Variants in DLG2 observed in about 807,000 individuals in gnomAD.
DLG2 encodes the protein disks large homolog 2.
Under a neutral mutation model 132.5 loss-of-function variants are expected in DLG2, and 45 were observed. The ratio of observed to expected loss-of-function variants is 0.34; its 90% CI spans 0.27 to 0.44. The LOEUF is 0.44. Among genes scored for constraint, DLG2 ranks in the 20% least tolerant of loss-of-function variants. The pLI, the probability that DLG2 is intolerant of heterozygous loss-of-function variation, is 1.00. For missense variants in DLG2, 1,045 were observed against 1,196.9 expected (o/e 0.87, Z 1.87); for synonymous variants, 424 against 419.6 (o/e 1.01, Z -0.13).
chr11:84,397,683 A>G (rs530303048), intron 7 of DLG2, among the ~76,000 whole-genome samples: 7 of 152,358 alleles, frequency 4.6e-5, no homozygotes, highest in South Asian at 2.1e-4. Flanking sequence ...CGTGAGAGCT[A>G]TAAGTCTTTA....
chr11:83,674,292 C>G (rs1314130859), intron 18 of DLG2, among the ~76,000 whole-genome samples: 2 of 152,130 alleles, frequency 1.3e-5, no homozygotes, highest in Non-Finnish European at 2.9e-5. Context: ...TTTTAAGAAG[C>G]AGAAGCACTG....
chr11:85,316,318 T>C (rs2080672019), intron 3 of DLG2, among the ~76,000 whole-genome samples: 1 of 152,012 alleles, frequency 6.6e-6, no homozygotes, highest in South Asian at 2.1e-4. Context: ...GAAAGACATA[T>C]TTCTATAATC....
intron 15 of DLG2, among the ~76,000 whole-genome samples, chr11:83,920,315 C>G (rs2077630896): frequency 6.8e-6 from 1 of 146,704 alleles, no homozygotes; most frequent in South Asian, 2.2e-4. Flanking sequence ...GTCTACAGAA[C>G]CAAATTAAAG....
intron 6 of DLG2, among the ~76,000 whole-genome samples, chr11:85,088,774 G>T (rs1047611555): frequency 6.6e-6 from 1 of 152,044 alleles, no homozygotes; most frequent in African/African-American, 2.4e-5. Flanking sequence ...CCCAAGTTTA[G>T]AATACCCCTA....
At chr11:83,509,301 T>TTAA (rs2094890019) in intron 21 of DLG2, among the ~76,000 whole-genome samples, 1 of 152,242 alleles carries the variant, frequency 6.6e-6, no homozygotes, top group Admixed American at 6.5e-5. Flanking sequence ...CATCATGAAT[T>TTAA]TAATAATAAT....
chr11:84,115,372 C>G (rs561812812), intron 9 of DLG2, among the ~76,000 whole-genome samples: 2 of 152,284 alleles, frequency 1.3e-5, no homozygotes, highest in Non-Finnish European at 2.9e-5. Context: ...TGTTGGGAGA[C>G]GGGAGGTGGA....
At chr11:85,556,440 A>G (rs534679965) in intron 3 of DLG2, among the ~76,000 whole-genome samples, 20 of 152,032 alleles carry the variant, frequency 1.3e-4, no homozygotes, top group African/African-American at 4.8e-4. Flanking sequence ...ACCCAAGCCT[A>G]TCATAAAGGC....
chr11:84,927,332 T>A (rs1335472771), intron 6 of DLG2, among the ~76,000 whole-genome samples: 1 of 151,978 alleles, frequency 6.6e-6, no homozygotes, highest in African/African-American at 2.4e-5. Flanking sequence ...GCTTTTTGTT[T>A]TGTTTTCTTT....
intron 3 of DLG2, among the ~76,000 whole-genome samples, chr11:85,295,946 C>A (rs1271955993): frequency 6.6e-6 from 1 of 152,070 alleles, no homozygotes; most frequent in Non-Finnish European, 1.5e-5. Context: ...ACAGAAGTAG[C>A]TATAGACTTT....
chr11:85,366,176 C>T (rs915530173), intron 3 of DLG2, among the ~76,000 whole-genome samples: 28 of 152,128 alleles, frequency 1.8e-4, no homozygotes, highest in African/African-American at 6.5e-4. Flanking sequence ...AAGAAAGGCA[C>T]ATTTGGAGGT....
At chr11:85,000,980 A>G (rs1411522887) in intron 6 of DLG2, among the ~76,000 whole-genome samples, 1 of 152,132 alleles carries the variant, frequency 6.6e-6, no homozygotes, top group Non-Finnish European at 1.5e-5. Flanking sequence ...GAATAGTTCC[A>G]AGGCCAATCT....
intron 7 of DLG2, among the ~76,000 whole-genome samples, chr11:84,534,248 A>T (rs1368983326): frequency 6.6e-6 from 1 of 152,240 alleles, no homozygotes; most frequent in Non-Finnish European, 1.5e-5. Context: ...AACAGAGAGC[A>T]TCTGAGCAAA....
intron 2 of DLG2, among the ~76,000 whole-genome samples, chr11:85,607,893 G>C (rs1347517122): frequency 6.6e-6 from 1 of 152,064 alleles, no homozygotes; most frequent in African/African-American, 2.4e-5. Flanking sequence ...ATAGGACATG[G>C]GTAAAATCCC....
chr11:85,539,820 G>A (rs1003348701), intron 3 of DLG2, among the ~76,000 whole-genome samples: 8 of 152,158 alleles, frequency 5.3e-5, no homozygotes, highest in African/African-American at 1.7e-4. Flanking sequence ...AATATAGATT[G>A]AAGCTGATGA....
At chr11:85,209,446 T>TTTTTTC (rs1491192525) in intron 4 of DLG2, among the ~76,000 whole-genome samples, 1 of 23,888 alleles carries the variant, frequency 4.2e-5, no homozygotes, top group African/African-American at 1.1e-4. Context: ...GAAATCAGTC[T>TTTTTTC]TTTTTTTTTT....
At chr11:83,608,972 C>T (rs1157856094) in intron 19 of DLG2, among the ~76,000 whole-genome samples, 1 of 152,102 alleles carries the variant, frequency 6.6e-6, no homozygotes, top group Non-Finnish European at 1.5e-5. Context: ...TCTAGCCAAC[C>T]AAATGATAGC....
intron 4 of DLG2, among the ~76,000 whole-genome samples, chr11:85,255,837 A>T (rs1394282898): frequency 2.6e-5 from 4 of 152,240 alleles, no homozygotes; most frequent in Non-Finnish European, 4.4e-5. Context: ...AAAATGAGCA[A>T]GACTGAGTGG....
chr11:83,501,077 A>T (rs987239544), intron 21 of DLG2, among the ~76,000 whole-genome samples: 1 of 152,086 alleles, frequency 6.6e-6, no homozygotes, highest in African/African-American at 2.4e-5. Flanking sequence ...AGTTATTCTC[A>T]CCAATTGGAC....
chr11:85,190,414 G>T (rs1162165314), intron 4 of DLG2, among the ~76,000 whole-genome samples: 1 of 151,048 alleles, frequency 6.6e-6, no homozygotes, highest in African/African-American at 2.4e-5. Flanking sequence ...AAGTTAGGAA[G>T]ATCTAAAATC....
Sources: allele counts gnomAD v4.1 joint callset (sites outside exome capture counted in the v4.1 genomes callset), GRCh38; gene constraint gnomAD v4.1.1; transcripts MANE v1.5; gene names NCBI Gene and HGNC (gene_info 2026-07-23, HGNC 2026-07-21).